The following ROR1 variants were observed in gnomAD, a reference collection of about 807,000 sequenced individuals.
ROR1 encodes ROR family WNT receptor 1, also known as inactive tyrosine-protein kinase transmembrane receptor ROR1.
Under a neutral mutation model 78.8 loss-of-function variants are expected in ROR1, and 19 were observed. The observed-to-expected ratio is 0.24, with a 90% CI of 0.17 to 0.35. The LOEUF is 0.35. Ranked by LOEUF, ROR1 falls within the 10% of genes least tolerant of loss-of-function variation. The pLI, the probability that ROR1 is intolerant of heterozygous loss-of-function variation, is 1.00. For missense variants in ROR1, 917 were observed against 1,177.8 expected, an observed-to-expected ratio of 0.78 and a Z score of 3.24; for synonymous variants, 386 against 433.6, an observed-to-expected ratio of 0.89 and a Z score of 1.36.
At chr1:63,982,205 A>G (rs1646215941) in intron 1 of ROR1, among the ~76,000 whole-genome samples, 2 of 152,092 alleles carry the variant, frequency 1.3e-5, no homozygotes, top group Non-Finnish European at 2.9e-5. Context: ...ATTGAGGAGC[A>G]GAGAACAGAA....
intron 2 of ROR1, among the ~76,000 whole-genome samples, chr1:64,047,200 C>G (rs1646791364): frequency 6.6e-6 from 1 of 152,154 alleles, no homozygotes; most frequent in African/African-American, 2.4e-5. Flanking sequence ...TAGAGGATAA[C>G]AGGAGACAGA....
At chr1:63,940,756 A>G (rs1645832267) in intron 1 of ROR1, among the ~76,000 whole-genome samples, 1 of 152,202 alleles carries the variant, frequency 6.6e-6, no homozygotes, top group Non-Finnish European at 1.5e-5. Context: ...ATCTCCCCAC[A>G]TATTGCTTAT....
chr1:63,897,941 T>G (rs1166081012), intron 1 of ROR1, among the ~76,000 whole-genome samples: 2 of 152,172 alleles, frequency 1.3e-5, no homozygotes, highest in African/African-American at 4.8e-5. Context: ...TGTGTCTTCT[T>G]TAGTTAACTT....
At chr1:63,836,718 G>A (rs1645020697) in intron 1 of ROR1, among the ~76,000 whole-genome samples, 1 of 152,210 alleles carries the variant, frequency 6.6e-6, no homozygotes, top group African/African-American at 2.4e-5. Context: ...CATTCTGCAT[G>A]TAGCTGCTCC....
intron 8 of ROR1, among the ~76,000 whole-genome samples, chr1:64,170,287 C>T (rs1179650277): frequency 2.0e-5 from 3 of 152,226 alleles, no homozygotes. Flanking sequence ...TCCCAAACCT[C>T]AATTCTTGAC....
chr1:64,165,704 T>A (rs1054544470), intron 8 of ROR1, among the ~76,000 whole-genome samples: 9 of 144,758 alleles, frequency 6.2e-5, no homozygotes, highest in Non-Finnish European at 1.5e-5. Context: ...GGTTTTACTT[T>A]TTTTTTTTTT....
At position 63,912,358 on chromosome 1, in the gene ROR1, T is replaced by C. The variant is rs1645578277; in HGVS notation, c.92-96947T>C. 2.6e-5 allele frequency among the ~76,000 whole-genome samples: 4 copies of C among 151,392 alleles called. No homozygotes were observed. In the South Asian group the frequency reaches 8.3e-4, roughly 32 times the overall value. ...CCTGATCTCTACTCTCAGGGTTTCATACTCTATTGAGGGAAGATAAAGTTT... is the reference window on the plus strand; with the variant it reads ...CCTGATCTCTACTCTCAGGGTTTCACACTCTATTGAGGGAAGATAAAGTTT... On this transcript the variant is annotated intron_variant, in intron 1 of 8. Transcript: ENST00000371079.
rs559664270 is a variant in ROR1 at position 64,062,608 on chromosome 1, G to T, written c.482+11892G>T. On this transcript the variant is annotated intron_variant, in intron 4 of 8. Transcript: ENST00000371079. The stretch of plus-strand genomic sequence containing the variant: ...TTACAGGCATGAGCCACTGTGCCCG[G>T]CCCATGTGGGTGTTTTTAAAGCACT... 2.0e-5 allele frequency among the ~76,000 whole-genome samples: 3 copies of T among 152,246 alleles called. No homozygotes were observed. The East Asian group carries it at 5.8e-4, about 29-fold the overall frequency.
At chr1:63,869,167 T>C (rs749775719) in intron 1 of ROR1, among the ~76,000 whole-genome samples, 20 of 152,174 alleles carry the variant, frequency 1.3e-4, no homozygotes, top group Non-Finnish European at 2.5e-4. Context: ...TTCTCTGTTG[T>C]TTTTTGGAAC....
rs538149308 is a variant in ROR1 at position 64,118,734 on chromosome 1, C to G, written c.483-18635C>G. Among the ~76,000 whole-genome samples the G allele has an allele frequency of 5.4e-4, 82 of 151,528 alleles. 1 individual carries two copies. Among genetic ancestry groups the G allele is most frequent in the South Asian group, 1.9e-3 (9 of 4,796 alleles). ...GGGGAAAATGAGGAGGCTTTTTAGGCCTCGGTAAATCAGAGTTAACAACAC... is the reference window on the plus strand; with the variant it reads ...GGGGAAAATGAGGAGGCTTTTTAGGGCTCGGTAAATCAGAGTTAACAACAC... On this transcript the variant is annotated intron_variant, in intron 4 of 8. Coordinates refer to ENST00000371079, the MANE Select transcript of ROR1 (RefSeq NM_005012.4).
intron 2 of ROR1, among the ~76,000 whole-genome samples, chr1:64,029,293 T>C (rs1286127945): frequency 6.6e-6 from 1 of 152,096 alleles, no homozygotes; most frequent in Non-Finnish European, 1.5e-5. Context: ...TAACCTCAGG[T>C]CATGTAACTA....
At chr1:64,005,840 T>A (rs1646423053) in intron 1 of ROR1, among the ~76,000 whole-genome samples, 1 of 152,220 alleles carries the variant, frequency 6.6e-6, no homozygotes, top group Non-Finnish European at 1.5e-5. Context: ...AAATATTTTA[T>A]CTGTTTTTAT....
Position 64,169,481 on chromosome 1 carries a change from G to GC in ROR1, c.1387-7942dup, listed in dbSNP as rs1232242824. Among the ~76,000 whole-genome samples, 10 of 152,224 alleles carry GC rather than the reference G, an allele frequency of 6.6e-5. No individual in the cohort carries two copies. The South Asian group carries it at 1.7e-3, about 25-fold the overall frequency. The stretch of plus-strand genomic sequence containing the variant: ...CACGAGAACAGCATGGGAAAGACCT[G>GC]CCCCCATGATTCAATAACCTCCCAC... On this transcript the variant is annotated intron_variant, in intron 8 of 8. Transcript: ENST00000371079.
At chr1:63,922,843 C>T (rs1645668512) in intron 1 of ROR1, among the ~76,000 whole-genome samples, 1 of 152,116 alleles carries the variant, frequency 6.6e-6, no homozygotes, top group Admixed American at 6.6e-5. Context: ...ACTAAGTGGA[C>T]TTTAGTCTTG....
intron 1 of ROR1, among the ~76,000 whole-genome samples, chr1:63,960,520 C>T (rs572886830): frequency 2.0e-5 from 3 of 152,244 alleles, no homozygotes; most frequent in African/African-American, 7.2e-5. Flanking sequence ...TGGCACTAAT[C>T]CTGTTTGAAT....
chr1:63,796,612 C>T (rs921347064), intron 1 of ROR1, among the ~76,000 whole-genome samples: 1 of 152,076 alleles, frequency 6.6e-6, no homozygotes, highest in Admixed American at 6.5e-5. Context: ...CATCTCTTAC[C>T]CTTTAAAAGT....
Position 64,130,117 on chromosome 1 carries a change from G to A in ROR1, c.483-7252G>A, listed in dbSNP as rs374404810. On this transcript the variant is annotated intron_variant, in intron 4 of 8. Coordinates refer to ENST00000371079, the MANE Select transcript of ROR1 (RefSeq NM_005012.4). ...TTAACCAAATTGTCACTGACCAGAT[G>A]TGGGAACCAGCATGTGATATTCGAC... 5.9e-5 allele frequency among the ~76,000 whole-genome samples: 9 copies of A among 152,298 alleles called. No individual in the cohort carries two copies. The South Asian group carries it at 1.9e-3, about 32-fold the overall frequency.
At chr1:63,904,134 C>T (rs1248349878) in intron 1 of ROR1, among the ~76,000 whole-genome samples, 3 of 152,124 alleles carry the variant, frequency 2.0e-5, no homozygotes, top group Admixed American at 6.5e-5. Flanking sequence ...AGCTGAAGAA[C>T]TCAAGTCTCT....
intron 1 of ROR1, among the ~76,000 whole-genome samples, chr1:63,925,226 A>G (rs1427053144): frequency 7.1e-6 from 1 of 140,100 alleles, no homozygotes; most frequent in Non-Finnish European, 1.5e-5. Flanking sequence ...ATGTGATCTC[A>G]TTGTTCAATT....
Sources: gnomAD v4.1 joint callset for allele counts (sites outside exome capture counted in the v4.1 genomes callset) on GRCh38, gnomAD v4.1.1 for gene constraint, MANE v1.5 for transcripts, NCBI Gene and HGNC (gene_info 2026-07-23, HGNC 2026-07-21) for gene names.